TIMM9: variants seen among roughly 807,000 people sequenced by gnomAD.
TIMM9 encodes the protein mitochondrial import inner membrane translocase subunit Tim9.
A neutral mutation model predicts 13.4 loss-of-function variants in TIMM9; 10 were observed. That is an observed-to-expected ratio of 0.75 (90% CI 0.46 to 1.26). The LOEUF (loss-of-function observed/expected upper bound fraction) is 1.26, where lower values mean the gene tolerates loss of function less well. TIMM9 is among the 50% of genes most tolerant of loss of function. TIMM9 has a pLI of 0.00. For synonymous variants in TIMM9, 32 were observed against 32.1 expected, an observed-to-expected ratio of 1.00 and a Z score of 0.01; for missense variants, 87 against 100.8, an observed-to-expected ratio of 0.86 and a Z score of 0.58.
intron 3 of TIMM9, among the ~76,000 whole-genome samples, chr14:58,421,373 T>C (rs1385144474): frequency 6.6e-6 from 1 of 152,200 alleles, no homozygotes; most frequent in East Asian, 1.9e-4. Flanking sequence ...AAAGTAGGTG[T>C]TGCTATAAGA....
At chr14:58,411,074 T>G (rs2036199658) in intron 4 of TIMM9, 136 bp from the exon 5 acceptor site, 1 of 643,110 alleles carries the variant, frequency 1.6e-6, no homozygotes, top group Admixed American at 2.8e-5. Flanking sequence ...CTAACTTAAA[T>G]GGGTACAGTA....
At chr14:58,411,574 C>G (rs749944610) in intron 4 of TIMM9, among the ~76,000 whole-genome samples, 10 of 151,298 alleles carry the variant, frequency 6.6e-5, no homozygotes, top group Non-Finnish European at 1.5e-4. Flanking sequence ...GAGTCTTGCT[C>G]TGTCACCCAG....
chr14:58,411,092 C>T (rs2036200157), intron 4 of TIMM9, among the ~76,000 whole-genome samples, 154 bp from the exon 5 acceptor site: 1 of 152,138 alleles, frequency 6.6e-6, no homozygotes, highest in South Asian at 2.1e-4. Context: ...GTATGATCTA[C>T]AGAATAGTTT....
At chr14:58,423,910 A>G (rs1045459687) in intron 3 of TIMM9, 98 bp downstream of exon 3, 1 of 152,234 alleles carries the variant, frequency 6.6e-6, no homozygotes, top group African/African-American at 2.4e-5. Context: ...CTTGGGAATG[A>G]TTACAATGAT....
chr14:58,419,490 C>CACACACACACACAAACACAT (rs2036523218), intron 3 of TIMM9, among the ~76,000 whole-genome samples: 1 of 150,436 alleles, frequency 6.6e-6, no homozygotes, highest in Non-Finnish European at 1.5e-5. Context: ...CACACACACA[C>CACACACACACACAAACACAT]ACACACACAC....
At chr14:58,417,892 C>T (rs1307706069) in intron 3 of TIMM9, among the ~76,000 whole-genome samples, 1 of 151,926 alleles carries the variant, frequency 6.6e-6, no homozygotes, top group East Asian at 1.9e-4. Flanking sequence ...ACAGGGTGTA[C>T]ATTACTACAG....
chr14:58,422,430 T>C (rs1566754347), intron 3 of TIMM9, among the ~76,000 whole-genome samples: 1 of 152,182 alleles, frequency 6.6e-6, no homozygotes, highest in African/African-American at 2.4e-5. Context: ...GTATGAAATC[T>C]TTAAATGTTC....
intron 3 of TIMM9, among the ~76,000 whole-genome samples, chr14:58,412,361 C>T (rs1216945552): frequency 3.9e-5 from 6 of 152,166 alleles, no homozygotes; most frequent in African/African-American, 1.2e-4. Flanking sequence ...AGGATGGTCT[C>T]GATCTCTTAA....
intron 3 of TIMM9, among the ~76,000 whole-genome samples, chr14:58,417,129 A>G (rs1286607938): frequency 2.0e-5 from 3 of 152,040 alleles, no homozygotes; most frequent in Non-Finnish European, 4.4e-5. Context: ...CATCCATGTA[A>G]GATGTGACTT....
chr14:58,426,611 G>A (rs1396488807), intron 2 of TIMM9, among the ~76,000 whole-genome samples: 3 of 152,194 alleles, frequency 2.0e-5, no homozygotes, highest in African/African-American at 7.2e-5. Context: ...TTTCTGCTTT[G>A]ATTATTCTAA....
chr14:58,414,784 T>G (rs2036346500), intron 3 of TIMM9, among the ~76,000 whole-genome samples: 2 of 150,176 alleles, frequency 1.3e-5, no homozygotes, highest in South Asian at 4.2e-4. Flanking sequence ...TCACAATAAC[T>G]ACTGACATTT....
intron 3 of TIMM9, among the ~76,000 whole-genome samples, chr14:58,413,790 G>A (rs1438169204): frequency 6.6e-6 from 1 of 151,698 alleles, no homozygotes; most frequent in Non-Finnish European, 1.5e-5. Context: ...GGCAGATTAC[G>A]AGGTCAGGAG....
intron 3 of TIMM9, among the ~76,000 whole-genome samples, chr14:58,422,140 G>A (rs1023078873): frequency 4.8e-5 from 7 of 146,134 alleles, no homozygotes; most frequent in Admixed American, 4.2e-4. Context: ...TTGAGACGGA[G>A]TTTTCGCTCT....
At chr14:58,410,227 T>A (rs2036169922) in intron 5 of TIMM9, among the ~76,000 whole-genome samples, 1 of 151,972 alleles carries the variant, frequency 6.6e-6, no homozygotes, top group Non-Finnish European at 1.5e-5. Flanking sequence ...TGTACCAACA[T>A]GTCTAGCTAA....
intron 3 of TIMM9, among the ~76,000 whole-genome samples, chr14:58,419,902 C>T (rs1028008592): frequency 6.6e-6 from 1 of 152,008 alleles, no homozygotes; most frequent in African/African-American, 2.4e-5. Flanking sequence ...GGGTGACAGA[C>T]CCTCTCTCTA....
In TIMM9 at chr14:58,424,010, T is replaced by C. The variant is rs1025664858; in HGVS notation, c.-29A>G. The C allele has an allele frequency of 6.6e-6, 1 of 152,206 alleles. No individual in the cohort carries two copies. The highest frequency in any genetic ancestry group is 1.5e-5 in the Non-Finnish European group (1 of 68,028). The allele number at this position is 152,206 out of a possible 1,614,324, so 9.4% of individuals were successfully genotyped here. ...CTTATCAGTCATCAAGCTCTAACCT[T>C]TTCTGATGCATGAGTTTCCTTTCTG... On this transcript the variant is annotated splice_region_variant and 5_prime_UTR_variant, in exon 3 of 6. Coordinates refer to ENST00000395159, the MANE Select transcript of TIMM9 (RefSeq NM_012460.4).
rs530651147 is a variant in TIMM9, at chr14:58,411,377, G to A, written c.40-439C>T. Among the ~76,000 whole-genome samples the A allele has an allele frequency of 5.3e-4, 81 of 152,036 alleles. 1 individual carries two copies. In the South Asian group the frequency reaches 0.016, roughly 30 times the overall value. On this transcript the variant is annotated intron_variant, in intron 4 of 5. Coordinates refer to ENST00000395159, the MANE Select transcript of TIMM9 (RefSeq NM_012460.4). The stretch of plus-strand genomic sequence containing the variant: ...GCAGGAGAATTGCTTGGGCCCGGGA[G>A]ATGGAGGTTGCAGTGAACCAAGATC...
chr14:58,416,854 T>C (rs898917179), intron 3 of TIMM9, among the ~76,000 whole-genome samples: 1 of 152,196 alleles, frequency 6.6e-6, no homozygotes, highest in African/African-American at 2.4e-5. Context: ...ATGCCTGTAA[T>C]CTCAGCACTT....
chr14:58,409,151 A>AT lies in TIMM9; in HGVS notation c.152dup (p.His51GlnfsTer26). 1 of 1,613,916 alleles carries AT rather than the reference A, an allele frequency of 6.2e-7. No homozygotes were observed. The highest frequency in any genetic ancestry group is 8.5e-7 in the Non-Finnish European group (1 of 1,179,956). On this transcript the variant is annotated frameshift_variant, in exon 6 of 6. Coordinates refer to ENST00000395159, the MANE Select transcript of TIMM9 (RefSeq NM_012460.4). LOFTEE classifies it high-confidence loss of function. ...TCATTTTTAAATATTTCTGTAAGCA[A>AT]TGTTCTGAACAGGTGGTCTAGGAAT...
Sources: gnomAD v4.1 joint callset for allele counts (sites outside exome capture counted in the v4.1 genomes callset) on GRCh38, gnomAD v4.1.1 for gene constraint, MANE v1.5 for transcripts, NCBI Gene and HGNC (gene_info 2026-07-23, HGNC 2026-07-21) for gene names.